Variants in SYNDIG1 observed in about 807,000 individuals in gnomAD.
SYNDIG1 encodes synapse differentiation inducing 1.
Under a neutral mutation model 19.4 loss-of-function variants are expected in SYNDIG1, and 9 were observed. That is an observed-to-expected ratio of 0.46 (90% CI 0.28 to 0.81). The LOEUF is 0.81. SYNDIG1 is among the 30% of genes least tolerant of loss of function. The pLI is 0.12. For synonymous variants in SYNDIG1, 141 were observed against 145.9 expected (o/e 0.97, Z 0.24); for missense variants, 311 against 343.3 (o/e 0.91, Z 0.74).
chr20:24,638,214 A>G (rs1008809963), intron 3 of SYNDIG1, among the ~76,000 whole-genome samples: 1 of 152,268 alleles, frequency 6.6e-6, no homozygotes, highest in Non-Finnish European at 1.5e-5. Flanking sequence ...TGCAGGGCTG[A>G]GAAGGACAGA....
intron 1 of SYNDIG1, among the ~76,000 whole-genome samples, chr20:24,496,749 C>T (rs899268189): frequency 1.3e-5 from 2 of 152,278 alleles, no homozygotes; most frequent in Middle Eastern, 3.4e-3. Flanking sequence ...AAAGCTTATC[C>T]TGACACTAAA....
chr20:24,516,199 T>A (rs530892931), intron 1 of SYNDIG1, among the ~76,000 whole-genome samples: 101 of 152,280 alleles, frequency 6.6e-4, no homozygotes, highest in African/African-American at 2.1e-3. Context: ...CAAGAGGGAT[T>A]AAAATGCTAG....
chr20:24,603,529 A>T (rs998970182), intron 3 of SYNDIG1, among the ~76,000 whole-genome samples: 1 of 152,164 alleles, frequency 6.6e-6, no homozygotes, highest in African/African-American at 2.4e-5. Context: ...ACACTGCCTC[A>T]GGGAGGAAGT....
rs368262926 is a variant in SYNDIG1, at chr20:24,573,871, C to T, written c.481-10985C>T. 9.8e-5 allele frequency among the ~76,000 whole-genome samples: 15 copies of T among 152,332 alleles called. No individual in the cohort carries two copies. In the East Asian group the frequency reaches 2.7e-3, roughly 28 times the overall value. Reference sequence around the variant, plus strand: ...CCACAGGCTCTGCAGCAGGTGCTCTCAGCTCCCCTTACCCCACACCTTCTC... The same window carrying T: ...CCACAGGCTCTGCAGCAGGTGCTCTTAGCTCCCCTTACCCCACACCTTCTC... On this transcript the variant is annotated intron_variant, in intron 2 of 3. Coordinates refer to ENST00000376862, the MANE Select transcript of SYNDIG1 (RefSeq NM_024893.3).
chr20:24,629,078 T>C (rs961883090), intron 3 of SYNDIG1, among the ~76,000 whole-genome samples: 2 of 152,214 alleles, frequency 1.3e-5, no homozygotes, highest in Admixed American at 1.3e-4. Context: ...GCAGAATGAA[T>C]GCAGAGCTTG....
chr20:24,581,925 G>A (rs570333984), intron 2 of SYNDIG1, among the ~76,000 whole-genome samples: 10 of 147,012 alleles, frequency 6.8e-5, no homozygotes, highest in East Asian at 6.1e-4. Context: ...TGCACTGTAC[G>A]TCCTCCCACC....
At chr20:24,518,721 T>C (rs1283340027) in intron 1 of SYNDIG1, among the ~76,000 whole-genome samples, 1 of 152,228 alleles carries the variant, frequency 6.6e-6, no homozygotes, top group Non-Finnish European at 1.5e-5. Flanking sequence ...CCTAAGGCCA[T>C]CACAGAGGAC....
chr20:24,513,435 C>T (rs1201861429), intron 1 of SYNDIG1, among the ~76,000 whole-genome samples: 3 of 152,120 alleles, frequency 2.0e-5, no homozygotes, highest in Non-Finnish European at 4.4e-5. Context: ...CTTAAATGAC[C>T]TGATGGAGCT....
intron 3 of SYNDIG1, among the ~76,000 whole-genome samples, chr20:24,597,505 T>C (rs2058613837): frequency 6.6e-6 from 1 of 152,050 alleles, no homozygotes; most frequent in Admixed American, 6.5e-5. Flanking sequence ...GGTGAGTCTG[T>C]GGTGGATCGG....
chr20:24,601,277 A>G (rs1018564626), intron 3 of SYNDIG1, among the ~76,000 whole-genome samples: 3 of 152,162 alleles, frequency 2.0e-5, no homozygotes, highest in Admixed American at 6.5e-5. Flanking sequence ...ATTGATGTAT[A>G]TTATCCTTTG....
intron 1 of SYNDIG1, among the ~76,000 whole-genome samples, chr20:24,476,636 C>CTCCA (rs1318202017): frequency 1.3e-5 from 2 of 151,858 alleles, no homozygotes; most frequent in African/African-American, 4.8e-5. Context: ...CGCCACTACA[C>CTCCA]TCCAGCCTGG....
chr20:24,573,751 T>C (rs1382923415), intron 2 of SYNDIG1, among the ~76,000 whole-genome samples: 2 of 152,210 alleles, frequency 1.3e-5, no homozygotes, highest in African/African-American at 2.4e-5. Context: ...CATGTGTCTG[T>C]CACCTCCTCT....
chr20:24,472,561 C>T (rs1568751952), intron 1 of SYNDIG1, among the ~76,000 whole-genome samples: 1 of 152,232 alleles, frequency 6.6e-6, no homozygotes, highest in Non-Finnish European at 1.5e-5. Context: ...CGGTGCTATT[C>T]TGAGGTTCAT....
intron 2 of SYNDIG1, among the ~76,000 whole-genome samples, chr20:24,556,578 G>T (rs1048656023): frequency 1.2e-4 from 19 of 152,068 alleles, no homozygotes; most frequent in African/African-American, 4.1e-4. Context: ...TTAGTTTGGC[G>T]GGATATGAAT....
chr20:24,518,192 A>C (rs954432547), intron 1 of SYNDIG1, among the ~76,000 whole-genome samples: 1 of 152,118 alleles, frequency 6.6e-6, no homozygotes, highest in African/African-American at 2.4e-5. Flanking sequence ...AAAATGGACT[A>C]CATGGAATAT....
intron 3 of SYNDIG1, among the ~76,000 whole-genome samples, chr20:24,593,981 T>A (rs2058554320): frequency 6.6e-6 from 1 of 152,198 alleles, no homozygotes; most frequent in Admixed American, 6.5e-5. Context: ...ATTCTGTAGG[T>A]TGTTTGTTTA....
At chr20:24,554,169 T>C (rs1393507549) in intron 2 of SYNDIG1, among the ~76,000 whole-genome samples, 1 of 152,220 alleles carries the variant, frequency 6.6e-6, no homozygotes, top group Non-Finnish European at 1.5e-5. Context: ...TCCTGAGACT[T>C]TGCTGAAGTT....
chr20:24,627,907 C>T (rs193301000), intron 3 of SYNDIG1, among the ~76,000 whole-genome samples: 140 of 152,312 alleles, frequency 9.2e-4, no homozygotes, highest in African/African-American at 3.1e-3. Context: ...ATCCTCGGGC[C>T]GGAGAGCAGC....
rs61461180 is a variant in SYNDIG1 at position 24,551,555 on chromosome 20, A to AT, written c.480+7989dup. Among the ~76,000 whole-genome samples, 77 of 137,210 alleles carry AT rather than the reference A, an allele frequency of 5.6e-4. 1 individual carries two copies. The highest frequency in any genetic ancestry group is 2.3e-3 in the South Asian group (10 of 4,322). 90.0% of individuals were successfully genotyped at this position (137,210 alleles called of 152,430 possible). A position where few individuals can be genotyped will look rare whatever the true frequency, so the allele number is the denominator to read the frequency against. On this transcript the variant is annotated intron_variant, in intron 2 of 3. Transcript: ENST00000376862. ...GGCTTAAATTTGTTCTTTTTTACCT[A>AT]TTTTTTTTTTTAGGCGTGAGCTGGG...
Sources: allele counts gnomAD v4.1 joint callset (sites outside exome capture counted in the v4.1 genomes callset), GRCh38; gene constraint gnomAD v4.1.1; transcripts MANE v1.5; gene names NCBI Gene and HGNC (gene_info 2026-07-23, HGNC 2026-07-21).